The following FRS2 variants were observed in gnomAD, a reference collection of about 807,000 sequenced individuals.
FRS2 encodes the protein fibroblast growth factor receptor substrate 2.
FRS2 carries 8 observed loss-of-function variants against 43.9 expected under a neutral mutation model. The ratio of observed to expected loss-of-function variants is 0.18; its 90% confidence interval spans 0.11 to 0.33. The LOEUF is 0.33. Ranked by LOEUF, FRS2 falls within the 10% of genes least tolerant of loss-of-function variation. FRS2 has a pLI of 1.00. For missense variants in FRS2, 534 were observed against 627.6 expected (o/e 0.85, Z 1.59); for synonymous variants, 219 against 220.3 (o/e 0.99, Z 0.05).
intron 1 of FRS2, among the ~76,000 whole-genome samples, chr12:69,525,209 T>TA (rs1176143006): frequency 3.3e-5 from 5 of 150,860 alleles, no homozygotes; most frequent in African/African-American, 7.3e-5. Context: ...TTTTTTTTAC[T>TA]AAAAAAATGC....
chr12:69,549,251 CTTT>C (rs1878667372), intron 3 of FRS2, among the ~76,000 whole-genome samples: 1 of 151,858 alleles, frequency 6.6e-6, no homozygotes, highest in East Asian at 1.9e-4. Context: ...GTTAAAAATG[CTTT>C]TTATCTTTTT....
chr12:69,473,235 G>C (rs1870469220), intron 1 of FRS2, among the ~76,000 whole-genome samples: 1 of 152,200 alleles, frequency 6.6e-6, no homozygotes, highest in South Asian at 2.1e-4. Flanking sequence ...TAAGTTACTT[G>C]CCTGGGCTAT....
At chr12:69,544,753 C>T (rs984759780) in intron 3 of FRS2, among the ~76,000 whole-genome samples, 2 of 151,892 alleles carry the variant, frequency 1.3e-5, no homozygotes, top group Admixed American at 6.6e-5. Context: ...ACTATTTCAA[C>T]GTAGTAAAAG....
chr12:69,482,706 CTG>C (rs1388814645), intron 1 of FRS2, among the ~76,000 whole-genome samples: 1 of 152,138 alleles, frequency 6.6e-6, no homozygotes, highest in Admixed American at 6.5e-5. Context: ...TCTGTTGAAA[CTG>C]TTTTCTGGCA....
Position 69,568,992 on chromosome 12 carries a change from A to AT in FRS2, c.-26-8dup. On this transcript the variant is annotated splice_polypyrimidine_tract_variant and intron_variant, in intron 4 of 8. Transcript: ENST00000549921. ...TTCATCTAATAAATTTTTCCAAATT[A>AT]TTTTTCATGTAGTGCACACATGGTC... 1 of 1,417,530 alleles carries AT rather than the reference A, an allele frequency of 7.1e-7. No homozygotes were observed. Among genetic ancestry groups the AT allele is most frequent in the Non-Finnish European group, 9.7e-7 (1 of 1,027,934 alleles). The allele number at this position is 1,417,530 out of a possible 1,614,324, so 87.8% of individuals were successfully genotyped here.
chr12:69,482,914 G>T (rs556865655), intron 1 of FRS2, among the ~76,000 whole-genome samples: 42 of 152,294 alleles, frequency 2.8e-4, no homozygotes, highest in African/African-American at 1.0e-3. Flanking sequence ...TTTGTGAATA[G>T]TTGGTAGGTT....
intron 1 of FRS2, among the ~76,000 whole-genome samples, chr12:69,486,954 A>C (rs1872011584): frequency 6.6e-6 from 1 of 152,254 alleles, no homozygotes; most frequent in Non-Finnish European, 1.5e-5. Context: ...CCATCTATGT[A>C]ACATAAAAGT....
At chr12:69,493,890 A>G (rs187295184) in intron 1 of FRS2, among the ~76,000 whole-genome samples, 2 of 152,332 alleles carry the variant, frequency 1.3e-5, no homozygotes, top group African/African-American at 4.8e-5. Context: ...TTCCCTGATT[A>G]AATATCTTTA....
At chr12:69,547,778 T>G (rs565960663) in intron 3 of FRS2, among the ~76,000 whole-genome samples, 1 of 152,074 alleles carries the variant, frequency 6.6e-6, no homozygotes, top group African/African-American at 2.4e-5. Flanking sequence ...TGTTTTACTG[T>G]TTTTTCAAAG....
intron 1 of FRS2, among the ~76,000 whole-genome samples, chr12:69,514,424 G>C (rs1874774957): frequency 6.6e-6 from 1 of 152,162 alleles, no homozygotes; most frequent in African/African-American, 2.4e-5. Flanking sequence ...AGCTCCTTCT[G>C]CTCTCTGCTT....
At position 69,535,394 on chromosome 12, in the gene FRS2, G is replaced by T. The variant is rs60719136; in HGVS notation, c.-122+3338G>T. On this transcript the variant is annotated intron_variant, in intron 3 of 8. Coordinates refer to ENST00000549921, the MANE Select transcript of FRS2 (RefSeq NM_001278356.2). ...CAGTGATGTGTTGATCTTAAATGAGGGCGTAAATGTGATGTATTTAAGATG... is the reference window on the plus strand; with the variant it reads ...CAGTGATGTGTTGATCTTAAATGAGTGCGTAAATGTGATGTATTTAAGATG... Among the ~76,000 whole-genome samples the T allele has an allele frequency of 3.1e-3, 479 of 152,092 alleles. 18 individuals are homozygous for T. The East Asian group carries it at 0.079, about 25-fold the overall frequency.
intron 4 of FRS2, among the ~76,000 whole-genome samples, chr12:69,566,247 GA>G (rs912965022): frequency 4.1e-5 from 6 of 147,144 alleles, no homozygotes; most frequent in Admixed American, 1.4e-4. Flanking sequence ...CTCCTTTTGA[GA>G]AAAAAAAAAG....
At chr12:69,534,759 G>C (rs565938374) in intron 3 of FRS2, among the ~76,000 whole-genome samples, 3 of 152,254 alleles carry the variant, frequency 2.0e-5, no homozygotes, top group Admixed American at 6.5e-5. Flanking sequence ...GTGGTTAAAA[G>C]CATTTTGTTT....
At chr12:69,479,399 T>C (rs1340138755) in intron 1 of FRS2, among the ~76,000 whole-genome samples, 3 of 148,218 alleles carry the variant, frequency 2.0e-5, no homozygotes, top group African/African-American at 7.4e-5. Flanking sequence ...TCTTTTTTTT[T>C]TTTTTTTTCT....
rs576804353 is a variant in FRS2 at position 69,471,383 on chromosome 12, A to C, written c.-261+853A>C. ...ACGAATTGATTTTAAAGAGTTGGAC[A>C]GTTATATCCTTTCTCCCAAAGTTTG... On this transcript the variant is annotated intron_variant, in intron 1 of 8. Transcript: ENST00000549921. Among the ~76,000 whole-genome samples, 5 of 152,334 alleles carry C rather than the reference A, an allele frequency of 3.3e-5. No homozygotes were observed. In the East Asian group the frequency reaches 7.7e-4, roughly 23 times the overall value.
chr12:69,540,439 G>C (rs1247808543), intron 3 of FRS2, among the ~76,000 whole-genome samples: 1 of 151,812 alleles, frequency 6.6e-6, no homozygotes, highest in East Asian at 1.9e-4. Context: ...ATCAAAGTTG[G>C]AATAATTTGA....
At chr12:69,492,188 G>C (rs758269667) in intron 1 of FRS2, among the ~76,000 whole-genome samples, 21 of 152,186 alleles carry the variant, frequency 1.4e-4, no homozygotes, top group Non-Finnish European at 2.8e-4. Flanking sequence ...CCTGTATCTT[G>C]TGAATGAATT....
rs938744414 is a variant in FRS2, at chr12:69,505,846, T to C, written c.-260-25019T>C. 2.6e-5 allele frequency among the ~76,000 whole-genome samples: 4 copies of C among 152,322 alleles called. No homozygotes were observed. In the South Asian group the frequency reaches 6.2e-4, roughly 24 times the overall value. ...ATTTTGTGATGATTACTTTGTATGA[T>C]TAGTTTCCAATGCAGATTCCAAGAA... On this transcript the variant is annotated intron_variant, in intron 1 of 8. Transcript: ENST00000549921.
intron 4 of FRS2, among the ~76,000 whole-genome samples, chr12:69,564,053 T>C (rs1462204225): frequency 1.3e-5 from 2 of 152,190 alleles, no homozygotes; most frequent in Non-Finnish European, 1.5e-5. Context: ...ATGTATTCTC[T>C]TTTGAATATA....
Sources: allele counts gnomAD v4.1 joint callset (sites outside exome capture counted in the v4.1 genomes callset), GRCh38; gene constraint gnomAD v4.1.1; transcripts MANE v1.5; gene names NCBI Gene and HGNC (gene_info 2026-07-23, HGNC 2026-07-21).